Variants in ANKS1B observed in about 807,000 individuals in gnomAD.
ANKS1B encodes ankyrin repeat and sterile alpha motif domain containing 1B, also known as ankyrin repeat and sterile alpha motif domain-containing protein 1B.
In ANKS1B, 36 loss-of-function variants were observed where a neutral mutation model predicts 148.3. That is an observed-to-expected ratio of 0.24 (90% confidence interval 0.19 to 0.32). ANKS1B has a LOEUF of 0.32. Among genes scored for constraint, ANKS1B ranks in the 10% least tolerant of loss-of-function variants. The pLI is 1.00. For synonymous variants in ANKS1B, 542 were observed against 560.8 expected, an observed-to-expected ratio of 0.97 and a Z score of 0.47; for missense variants, 1,157 against 1,542.6, an observed-to-expected ratio of 0.75 and a Z score of 4.19.
intron 17 of ANKS1B, among the ~76,000 whole-genome samples, chr12:99,049,281 T>C (rs912137671): frequency 2.0e-5 from 3 of 152,010 alleles, no homozygotes; most frequent in African/African-American, 7.3e-5. Context: ...AAGTTACCAT[T>C]TACCTTTATT....
intron 10 of ANKS1B, among the ~76,000 whole-genome samples, chr12:99,448,289 G>A (rs549004711): frequency 7.9e-5 from 12 of 152,150 alleles, no homozygotes; most frequent in African/African-American, 2.4e-4. Context: ...AGGGAATTCC[G>A]TTATCAGTAT....
intron 8 of ANKS1B, among the ~76,000 whole-genome samples, chr12:99,660,363 CTTTTTT>C (rs71088137): frequency 5.8e-5 from 7 of 120,568 alleles, no homozygotes; most frequent in East Asian, 4.8e-4. Flanking sequence ...TTTTCTTTTT[CTTTTTT>C]TTTTTTTTTT....
intron 9 of ANKS1B, among the ~76,000 whole-genome samples, chr12:99,630,491 T>C (rs571109961): frequency 6.6e-6 from 1 of 152,114 alleles, no homozygotes; most frequent in Non-Finnish European, 1.5e-5. Flanking sequence ...CAAAGAGAAA[T>C]AAGTTGGTAT....
intron 9 of ANKS1B, chr12:98,735,763 G>T (rs7300187): frequency 1 from 499,828 of 499,842 alleles, 249,907 homozygotes; most frequent in Middle Eastern, 1. Flanking sequence ...CAAAACAAAA[G>T]TCTTGCTCTA....
intron 12 of ANKS1B, among the ~76,000 whole-genome samples, chr12:99,354,391 C>T (rs1452227718): frequency 6.6e-6 from 1 of 151,994 alleles, no homozygotes; most frequent in Non-Finnish European, 1.5e-5. Context: ...AAACTACATG[C>T]TTCAAAACCA....
chr12:98,752,278 G>C (rs1414627826), intron 25 of ANKS1B, among the ~76,000 whole-genome samples: 16 of 145,740 alleles, frequency 1.1e-4, no homozygotes, highest in African/African-American at 3.6e-4. Context: ...TTTTTTTTTA[G>C]ATGGAGTCTC....
At chr12:99,839,913 G>A (rs1351763167) in intron 1 of ANKS1B, among the ~76,000 whole-genome samples, 2 of 151,510 alleles carry the variant, frequency 1.3e-5, no homozygotes, top group African/African-American at 2.4e-5. Flanking sequence ...TTTAATTACT[G>A]CTGCTAGTTA....
chr12:99,627,737 T>G (rs1425388084), intron 9 of ANKS1B, among the ~76,000 whole-genome samples: 2 of 152,022 alleles, frequency 1.3e-5, no homozygotes, highest in Admixed American at 6.6e-5. Context: ...AAAGAAGAGA[T>G]AAAACATGTA....
At position 99,964,420 on chromosome 12, in the gene ANKS1B, C is replaced by T. The variant is rs191170599; in HGVS notation, c.134+19684G>A. On this transcript the variant is annotated intron_variant, in intron 1 of 26. Transcript: ENST00000683438. ...CCTCTTTTCCTTCCTTCTCATTTCC[C>T]TTCTCTTCCTGAAAAATTCAGTTCC... Among the ~76,000 whole-genome samples, 456 of 152,320 alleles carry T rather than the reference C, an allele frequency of 3.0e-3. 2 individuals are homozygous for T. The highest frequency in any genetic ancestry group is 6.8e-3 in the Middle Eastern group (2 of 294).
At chr12:99,835,586 T>C (rs534117305) in intron 1 of ANKS1B, among the ~76,000 whole-genome samples, 48 of 152,234 alleles carry the variant, frequency 3.2e-4, no homozygotes, top group Non-Finnish European at 5.4e-4. Context: ...ATAAAAAGTA[T>C]TGAGATGTTT....
intron 8 of ANKS1B, among the ~76,000 whole-genome samples, chr12:99,724,438 T>C (rs1268543553): frequency 6.6e-6 from 1 of 151,978 alleles, no homozygotes. Flanking sequence ...AAATAAGGCA[T>C]GCAGACAAGA....
At chr12:99,452,666 C>T (rs1393308042) in intron 10 of ANKS1B, among the ~76,000 whole-genome samples, 4 of 152,158 alleles carry the variant, frequency 2.6e-5, no homozygotes, top group Non-Finnish European at 5.9e-5. Flanking sequence ...TGAGAAAGTA[C>T]TCACTATGTA....
chr12:99,327,273 TTTA>T (rs920790974), intron 12 of ANKS1B, among the ~76,000 whole-genome samples: 27 of 114,874 alleles, frequency 2.4e-4, no homozygotes, highest in Admixed American at 9.6e-4. Flanking sequence ...ATAATTATAA[TTTA>T]TTATAATTAT....
intron 1 of ANKS1B, among the ~76,000 whole-genome samples, chr12:99,897,410 T>C (rs1192263551): frequency 6.6e-6 from 1 of 151,276 alleles, no homozygotes; most frequent in Non-Finnish European, 1.5e-5. Flanking sequence ...ATTTGAGCAA[T>C]GTTTTTCACA....
chr12:99,150,689 T>C (rs2074601696), intron 15 of ANKS1B, among the ~76,000 whole-genome samples: 1 of 151,960 alleles, frequency 6.6e-6, no homozygotes, highest in African/African-American at 2.4e-5. Flanking sequence ...GCATGCACAT[T>C]TTGTATAGTA....
intron 9 of ANKS1B, among the ~76,000 whole-genome samples, chr12:99,635,151 T>C (rs1909827): frequency 0.55 from 84,063 of 152,004 alleles, 23,863 homozygotes; most frequent in Admixed American, 0.62. Flanking sequence ...TTGTGTATCA[T>C]TGGTGGAAAT....
intron 17 of ANKS1B, among the ~76,000 whole-genome samples, chr12:98,842,746 C>A (rs934546214): frequency 6.6e-6 from 1 of 152,130 alleles, no homozygotes; most frequent in African/African-American, 2.4e-5. Flanking sequence ...GAAGGGTGAG[C>A]AACATATACA....
intron 13 of ANKS1B, among the ~76,000 whole-genome samples, chr12:99,245,740 C>T (rs774629832): frequency 6.6e-6 from 1 of 152,124 alleles, no homozygotes; most frequent in Non-Finnish European, 1.5e-5. Flanking sequence ...ATATTTGAAC[C>T]TCAAACATTT....
At chr12:99,227,715 G>T (rs1487946952) in intron 14 of ANKS1B, among the ~76,000 whole-genome samples, 1 of 152,108 alleles carries the variant, frequency 6.6e-6, no homozygotes, top group Non-Finnish European at 1.5e-5. Flanking sequence ...AGCAAGCTAA[G>T]TATAATAAGA....
Sources: allele counts gnomAD v4.1 joint callset (sites outside exome capture counted in the v4.1 genomes callset), GRCh38; gene constraint gnomAD v4.1.1; transcripts MANE v1.5; gene names NCBI Gene and HGNC (gene_info 2026-07-23, HGNC 2026-07-21).